The following CC2D1B variants were observed in gnomAD, a reference collection of about 807,000 sequenced individuals.
The protein encoded by CC2D1B is coiled-coil and C2 domain containing 1B, also known as coiled-coil and C2 domain-containing protein 1B.
A neutral mutation model predicts 110.8 loss-of-function variants in CC2D1B; 92 were observed. That is an observed-to-expected ratio of 0.83 (90% CI 0.70 to 0.99). CC2D1B has a LOEUF of 0.99. Among genes scored for constraint, CC2D1B ranks in the 50% least tolerant of loss-of-function variants. The pLI is 0.00. For missense variants in CC2D1B, 1,136 were observed against 1,089.0 expected (o/e 1.04, Z -0.61); for synonymous variants, 406 against 429.2 (o/e 0.95, Z 0.67).
intron 3 of CC2D1B, 50 bp downstream of exon 3, chr1:52,362,552 C>G: frequency 1.2e-6 from 2 of 1,610,266 alleles, no homozygotes; most frequent in Non-Finnish European, 1.7e-6. Flanking sequence ...TACCACCAGC[C>G]TGTGCCCATC....
chr1:52,365,031 C>A (rs1020713634), intron 1 of CC2D1B, among the ~76,000 whole-genome samples: 6 of 152,192 alleles, frequency 3.9e-5, no homozygotes, highest in Non-Finnish European at 7.3e-5. Flanking sequence ...CCACAACAGA[C>A]ACATTCCAAG....
At position 52,361,003 on chromosome 1, in the gene CC2D1B, C is replaced by T. The variant is rs758431439; in HGVS notation, c.448G>A (p.Val150Ile). 16 of 1,614,028 alleles carry T rather than the reference C, an allele frequency of 9.9e-6. No homozygotes were observed. Among genetic ancestry groups the T allele is most frequent in the East Asian group, 2.2e-5 (1 of 44,896 alleles). ...GCTGCTGGGGCTGAAGCTGTCAGGA[C>T]GGCTGTCTGCACTGGAGGTTCAGTG... ...EDTEPPVQTA[V>I]LTASAPAAQA... Residue 150 changes from valine (V) to isoleucine (I), a missense_variant, in exon 5 of 25, where the codon GTC becomes ATC. Val to Ile is a conservative substitution (Grantham distance 29). Transcript: ENST00000284376.
At position 52,359,473 on chromosome 1, in the gene CC2D1B, G is replaced by C. The variant is rs757333050; in HGVS notation, c.1004C>G (p.Pro335Arg). Reference sequence around the variant, plus strand: ...TACATACTGACCCTCAGGTGCCGGGGGCATGGCACTCAGATCCACGGGCTG... The same window carrying C: ...TACATACTGACCCTCAGGTGCCGGGCGCATGGCACTCAGATCCACGGGCTG... The part of the protein sequence containing the change: ...KGQPVDLSAM[P>R]PAPEDLKPQQ... Residue 335 changes from proline (P) to arginine (R), a missense_variant, in exon 9 of 25, where the codon CCC becomes CGC. Physicochemically the swap from Pro to Arg is moderately radical, Grantham distance 103 (BLOSUM62 -2). Coordinates refer to ENST00000284376, the MANE Select transcript of CC2D1B (RefSeq NM_001330585.2). The C allele has an allele frequency of 1.5e-5, 25 of 1,614,026 alleles. No individual in the cohort carries two copies. The highest frequency in any genetic ancestry group is 2.0e-5 in the Non-Finnish European group (24 of 1,180,020).
Position 52,359,038 on chromosome 1 carries a change from G to A in CC2D1B, c.1246C>T (p.Arg416Cys), listed in dbSNP as rs750837036. Residue 416 changes from arginine (R) to cysteine (C), a missense_variant, in exon 11 of 25, where the codon CGC becomes TGC. By Grantham distance (180) the Arg-to-Cys change is radical. Transcript: ENST00000284376. ...GDERKARMHE[R>C]IAKQYQDAIR... is the part of the protein sequence containing the mutation. ...AGCCGCGGGCCCACCTTGGCAATGC[G>A]CTCATGCATCCGAGCCTTGCGCTCG... 4.2e-5 allele frequency: 68 copies of A among 1,606,516 alleles called. 1 individual carries two copies. The Middle Eastern group carries it at 8.2e-4, about 19-fold the overall frequency.
rs776454193 is a variant in CC2D1B, at chr1:52,357,149, C to A, written c.1753-23G>T. 1.9e-6 allele frequency: 3 copies of A among 1,613,334 alleles called. No homozygotes were observed. The South Asian group carries it at 3.3e-5, about 18-fold the overall frequency. ...CACCTACCCAGGTCACAAGGCCCCT[C>A]GGGCCCCAAGAGTCAGATTACTCCT... On this transcript the variant is annotated intron_variant, in intron 15 of 24. Coordinates refer to ENST00000284376, the MANE Select transcript of CC2D1B (RefSeq NM_001330585.2).
At position 52,359,165 on chromosome 1, in the gene CC2D1B, G is replaced by A. The variant is rs558089307; in HGVS notation, c.1127-8C>T. ...GTGACTCTGTAGGGGCCACTTGAAG[G>A]AAAGAAGGAAGAAGTGGGCATCAGG... On this transcript the variant is annotated splice_region_variant and splice_polypyrimidine_tract_variant and intron_variant, in intron 10 of 24. Transcript: ENST00000284376. The A allele has an allele frequency of 7.9e-5, 127 of 1,609,456 alleles. 1 individual carries two copies. The Admixed American group carries it at 2.1e-3, about 27-fold the overall frequency.
chr1:52,356,585 TC>T, intron 16 of CC2D1B, 143 bp from the exon 17 acceptor site: 1 of 793,146 alleles, frequency 1.3e-6, no homozygotes, highest in South Asian at 1.6e-5. Context: ...AGGGCACTAC[TC>T]CCAAGTCCCA....
Position 52,357,598 on chromosome 1 carries a change from A to G in CC2D1B, c.1680T>C (p.Tyr560=), listed in dbSNP as rs769268451. The change falls in exon 15 of 25, where the codon TAT becomes TAC. Residue 560 remains tyrosine (Y), a synonymous_variant. Transcript: ENST00000284376. The part of the protein sequence containing the change: ...RSQDLEQAKA[Y]LRVAKWLEAQ... ...CCTCAAGCCATTTGGCTACCCGCAG[A>G]TAGGCTTTGGCCTGCTCCAGGTCCT... 3.1e-6 allele frequency: 5 copies of G among 1,588,322 alleles called. No individual in the cohort carries two copies. The highest frequency in any genetic ancestry group is 4.3e-6 in the Non-Finnish European group (5 of 1,166,356).
At chr1:52,360,782 G>T in intron 5 of CC2D1B, 192 bp downstream of exon 5, 1 of 897,214 alleles carries the variant, frequency 1.1e-6, no homozygotes, top group Non-Finnish European at 1.7e-6. Flanking sequence ...GGGTAGTCTA[G>T]GAGAACAGAG....
intron 4 of CC2D1B, 69 bp from the exon 5 acceptor site, chr1:52,361,201 TA>T: frequency 6.4e-7 from 1 of 1,555,734 alleles, no homozygotes; most frequent in South Asian, 1.1e-5. Context: ...GACCTGAGAG[TA>T]AAGGACCCTC....
intron 14 of CC2D1B, 38 bp downstream of exon 14, chr1:52,357,743 A>G (rs1646685573): frequency 6.2e-7 from 1 of 1,606,170 alleles, no homozygotes; most frequent in African/African-American, 1.3e-5. Context: ...TGCCCTCTCT[A>G]GGCCCTCAGT....
At chr1:52,356,027 G>A (rs1333554738) in intron 18 of CC2D1B, among the ~76,000 whole-genome samples, 159 bp downstream of exon 18, 1 of 152,190 alleles carries the variant, frequency 6.6e-6, no homozygotes, top group African/African-American at 2.4e-5. Flanking sequence ...ACAGCTGTGC[G>A]CTCTCCACTA....
chr1:52,358,206 T>C, intron 13 of CC2D1B, 125 bp downstream of exon 13: 2 of 1,380,956 alleles, frequency 1.4e-6, no homozygotes, highest in Non-Finnish European at 2.0e-6. Flanking sequence ...GGCAAGTTTT[T>C]TCTCTGTACA....
rs1646770084 is a variant in CC2D1B at position 52,361,016 on chromosome 1, T to C, written c.435A>G (p.Pro145=). 4 of 1,614,072 alleles carry C rather than the reference T, an allele frequency of 2.5e-6. No individual in the cohort carries two copies. Among genetic ancestry groups the C allele is most frequent in the Non-Finnish European group, 3.4e-6 (4 of 1,180,028 alleles). The part of the protein sequence containing the change: ...EENGLEDTEP[P]VQTAVLTASA... The stretch of plus-strand genomic sequence containing the variant: ...AAGCTGTCAGGACGGCTGTCTGCAC[T>C]GGAGGTTCAGTGTCTTCTAGGCCGT... The change falls in exon 5 of 25, where the codon CCA becomes CCG. Residue 145 remains proline, a synonymous_variant. Transcript: ENST00000284376.
At chr1:52,354,406 T>C in intron 23 of CC2D1B, 1 of 702,638 alleles carries the variant, frequency 1.4e-6, no homozygotes, top group Non-Finnish European at 2.6e-6. Context: ...GAGGCTGCCT[T>C]CTCCTGGGTC....
chr1:52,359,117 C>T lies in CC2D1B; in HGVS notation c.1167G>A (p.Gln389=), dbSNP rs761186608. ...TESQTVLDAL[Q]QRLNKYREAG... ...CCTCGCGGTACTTGTTCAGCCTCTG[C>T]TGCAGGGCATCCAGCACTGTCTGTG... Residue 389 remains glutamine (Q), a synonymous_variant, in exon 11 of 25, where the codon CAG becomes CAA. Transcript: ENST00000284376. The T allele has an allele frequency of 2.5e-6, 4 of 1,610,870 alleles. No homozygotes were observed. The South Asian group carries it at 4.4e-5, about 18-fold the overall frequency.
At chr1:52,358,537 G>T in intron 12 of CC2D1B, 76 bp from the exon 13 acceptor site, 1 of 1,605,694 alleles carries the variant, frequency 6.2e-7, no homozygotes, top group South Asian at 1.1e-5. Flanking sequence ...GCCCTGTCTG[G>T]GGCATGGCTC....
intron 4 of CC2D1B, 89 bp downstream of exon 4, chr1:52,361,424 G>A: frequency 6.3e-7 from 1 of 1,582,054 alleles, no homozygotes; most frequent in East Asian, 2.2e-5. Context: ...GAGAATACAG[G>A]GGCACCCCCA....
At chr1:52,364,497 C>G in intron 2 of CC2D1B, 55 bp downstream of exon 2, 1 of 1,264,304 alleles carries the variant, frequency 7.9e-7, no homozygotes, top group Non-Finnish European at 1.1e-6. Context: ...CCTAAGTTGT[C>G]TAGGGACCCC....
Sources: allele counts gnomAD v4.1 joint callset (sites outside exome capture counted in the v4.1 genomes callset), GRCh38; gene constraint gnomAD v4.1.1; transcripts MANE v1.5; gene names NCBI Gene and HGNC (gene_info 2026-07-23, HGNC 2026-07-21).